The following PPIL6 variants were observed in gnomAD, a reference collection of about 807,000 sequenced individuals.
The protein encoded by PPIL6 is probable inactive peptidyl-prolyl cis-trans isomerase-like 6.
A neutral mutation model predicts 36.8 loss-of-function variants in PPIL6; 39 were observed. The ratio of observed to expected loss-of-function variants is 1.06; its 90% CI spans 0.82 to 1.38. The LOEUF (loss-of-function observed/expected upper bound fraction) is 1.38. Ranked by LOEUF, PPIL6 falls within the 40% of genes most tolerant of loss-of-function variation. The pLI is 0.00. For missense variants in PPIL6, 368 were observed against 379.1 expected, an observed-to-expected ratio of 0.97 and a Z score of 0.24; for synonymous variants, 123 against 134.1, an observed-to-expected ratio of 0.92 and a Z score of 0.57.
At chr6:109,439,435 C>A (rs1433008196) in intron 1 of PPIL6, among the ~76,000 whole-genome samples, 1 of 152,154 alleles carries the variant, frequency 6.6e-6, no homozygotes, top group Non-Finnish European at 1.5e-5. Context: ...CAGCTCTCTG[C>A]AAACTCCGCC....
chr6:109,425,030 G>A lies in PPIL6; in HGVS notation c.631+1817C>T, dbSNP rs565747682. On this transcript the variant is annotated intron_variant, in intron 5 of 7. Coordinates refer to ENST00000521072, the MANE Select transcript of PPIL6 (RefSeq NM_173672.5). ...GAATTCTTTCTTGTGAGAGATTCAA[G>A]AACCCTCTCTTGGGGTCTGGATCAT... Among the ~76,000 whole-genome samples the A allele has an allele frequency of 4.6e-5, 7 of 152,288 alleles. No individual in the cohort carries two copies. In the South Asian group the frequency reaches 1.5e-3, roughly 32 times the overall value.
rs562507482 is a variant in PPIL6, at chr6:109,438,595, T to G, written c.135+1861A>C. On this transcript the variant is annotated intron_variant, in intron 1 of 7. Coordinates refer to ENST00000521072, the MANE Select transcript of PPIL6 (RefSeq NM_173672.5). ...TTTTAGATTTGTAAACAGTTTTTTG[T>G]TTTTTTTTTTAAGACAGAGTCTCAC... Among the ~76,000 whole-genome samples the G allele has an allele frequency of 5.5e-5, 8 of 146,046 alleles. No homozygotes were observed. In the South Asian group the frequency reaches 1.5e-3, roughly 28 times the overall value.
chr6:109,435,009 C>T (rs1443268086), intron 2 of PPIL6, among the ~76,000 whole-genome samples: 1 of 152,198 alleles, frequency 6.6e-6, no homozygotes, highest in African/African-American at 2.4e-5. Context: ...GAAGCTTCAA[C>T]TAGGACAGGG....
At chr6:109,428,939 G>A (rs865891597) in intron 3 of PPIL6, among the ~76,000 whole-genome samples, 4 of 152,098 alleles carry the variant, frequency 2.6e-5, no homozygotes, top group African/African-American at 7.2e-5. Context: ...ACTTCCCTGC[G>A]CATCAAGATA....
chr6:109,422,668 C>A (rs1773610595), intron 5 of PPIL6, among the ~76,000 whole-genome samples: 1 of 152,044 alleles, frequency 6.6e-6, no homozygotes, highest in Non-Finnish European at 1.5e-5. Flanking sequence ...TGGAGATGGA[C>A]CTTATGAACA....
chr6:109,440,663 C>CGAG, upstream of PPIL6: 1 of 1,128,672 alleles, frequency 8.9e-7, no homozygotes, highest in Non-Finnish European at 1.1e-6. Context: ...CCCGCCTCCG[C>CGAG]CGCTCGCAGG....
intron 3 of PPIL6, among the ~76,000 whole-genome samples, chr6:109,430,627 G>A (rs570907467): frequency 2.0e-5 from 3 of 152,232 alleles, no homozygotes; most frequent in East Asian, 1.9e-4. Flanking sequence ...ACGTTTCACC[G>A]TGTTGGCCAG....
At chr6:109,426,226 C>T (rs1208967745) in intron 5 of PPIL6, among the ~76,000 whole-genome samples, 1 of 152,154 alleles carries the variant, frequency 6.6e-6, no homozygotes, top group African/African-American at 2.4e-5. Flanking sequence ...CATGTGTCAT[C>T]GAGTTCAAGC....
chr6:109,427,351 A>T (rs1044645797), intron 3 of PPIL6, among the ~76,000 whole-genome samples, 195 bp from the exon 4 acceptor site: 1 of 151,978 alleles, frequency 6.6e-6, no homozygotes, highest in African/African-American at 2.4e-5. Context: ...TTTATAACCC[A>T]CTTTACACAT....
At chr6:109,419,308 CAG>C in intron 5 of PPIL6, 65 bp from the exon 6 acceptor site, 2 of 1,132,386 alleles carry the variant, frequency 1.8e-6, no homozygotes, top group Non-Finnish European at 1.3e-6. Flanking sequence ...ACAATAATGA[CAG>C]GGAAAAAATT....
At chr6:109,439,837 G>C (rs1369497660) in intron 1 of PPIL6, among the ~76,000 whole-genome samples, 1 of 152,192 alleles carries the variant, frequency 6.6e-6, no homozygotes, top group Admixed American at 6.5e-5. Context: ...ATTTCAGGTT[G>C]TAAGTGTGCT....
chr6:109,430,626 C>T (rs540523362), intron 3 of PPIL6, among the ~76,000 whole-genome samples: 19 of 152,160 alleles, frequency 1.2e-4, no homozygotes, highest in Non-Finnish European at 2.1e-4. Context: ...GACGTTTCAC[C>T]GTGTTGGCCA....
intron 6 of PPIL6, among the ~76,000 whole-genome samples, chr6:109,401,064 G>A (rs905296254): frequency 3.2e-4 from 45 of 138,756 alleles, no homozygotes; most frequent in Non-Finnish European, 5.8e-4. Flanking sequence ...TTTTAGTAGA[G>A]ACAGGGTTTC....
intron 6 of PPIL6, chr6:109,418,066 G>A (rs2115240832): frequency 6.6e-6 from 1 of 152,586 alleles, no homozygotes; most frequent in East Asian, 1.9e-4. Flanking sequence ...AAAGAAAGTA[G>A]ATTTTCTAGT....
At position 109,414,433 on chromosome 6, in the gene PPIL6, A is replaced by G. The variant is rs148353316; in HGVS notation, c.688+4754T>C. ...TCATGTTTTTTTCTAATTCTGATTT[A>G]TGAGCTCTTTCATGTCTTGTATCAT... On this transcript the variant is annotated intron_variant, in intron 6 of 7. Coordinates refer to ENST00000521072, the MANE Select transcript of PPIL6 (RefSeq NM_173672.5). 2.9e-3 allele frequency among the ~76,000 whole-genome samples: 389 copies of G among 135,030 alleles called. 3 individuals are homozygous for G. Among genetic ancestry groups the G allele is most frequent in the African/African-American group, 0.01 (376 of 36,814 alleles). 88.6% of individuals were successfully genotyped at this position (135,030 alleles called of 152,430 possible).
At chr6:109,419,822 T>C (rs1051128234) in intron 5 of PPIL6, among the ~76,000 whole-genome samples, 1 of 152,172 alleles carries the variant, frequency 6.6e-6, no homozygotes, top group African/African-American at 2.4e-5. Context: ...AATATTACTA[T>C]AATAATTTCA....
At chr6:109,430,102 G>A (rs1371560622) in intron 3 of PPIL6, among the ~76,000 whole-genome samples, 1 of 152,214 alleles carries the variant, frequency 6.6e-6, no homozygotes, top group Non-Finnish European at 1.5e-5. Context: ...AACATGCACT[G>A]AGCACCTATT....
intron 6 of PPIL6, among the ~76,000 whole-genome samples, chr6:109,415,850 G>A (rs1444607768): frequency 6.6e-6 from 1 of 152,158 alleles, no homozygotes; most frequent in Admixed American, 6.5e-5. Context: ...TTGGGGACTA[G>A]TAGACCACTT....
chr6:109,405,422 A>G (rs771900138), intron 6 of PPIL6, among the ~76,000 whole-genome samples: 2 of 152,102 alleles, frequency 1.3e-5, no homozygotes, highest in Non-Finnish European at 1.5e-5. Flanking sequence ...TCTTTTCCTT[A>G]CATTTATCTA....
Sources: gnomAD v4.1 joint callset for allele counts (sites outside exome capture counted in the v4.1 genomes callset) on GRCh38, gnomAD v4.1.1 for gene constraint, MANE v1.5 for transcripts, NCBI Gene and HGNC (gene_info 2026-07-23, HGNC 2026-07-21) for gene names.